VTA1: variants seen among roughly 807,000 people sequenced by gnomAD.
VTA1 encodes the protein vacuolar protein sorting-associated protein VTA1 homolog.
VTA1 carries 24 observed loss-of-function variants against 36.9 expected under a neutral mutation model. The observed-to-expected ratio is 0.65, with a 90% CI of 0.47 to 0.91. VTA1 has a LOEUF of 0.91. Ranked by LOEUF, VTA1 falls within the 40% of genes least tolerant of loss-of-function variation. The probability of loss-of-function intolerance (pLI) is 0.00; values close to 1 mark genes in which losing one functional copy is unlikely to be tolerated. For missense variants in VTA1, 393 were observed against 377.2 expected, an observed-to-expected ratio of 1.04 and a Z score of -0.35; for synonymous variants, 142 against 130.2, an observed-to-expected ratio of 1.09 and a Z score of -0.62.
intron 1 of VTA1, among the ~76,000 whole-genome samples, chr6:142,156,256 A>T (rs1778660134): frequency 1.3e-5 from 2 of 152,202 alleles, no homozygotes; most frequent in African/African-American, 4.8e-5. Flanking sequence ...AATTGTTGGT[A>T]GTAGCTAGTA....
chr6:142,167,045 A>G (rs1289396755), intron 2 of VTA1, among the ~76,000 whole-genome samples: 3 of 152,176 alleles, frequency 2.0e-5, no homozygotes, highest in African/African-American at 7.2e-5. Context: ...CAATGAAGGA[A>G]ATGATGCCAA....
intron 1 of VTA1, among the ~76,000 whole-genome samples, chr6:142,153,039 C>G (rs940664603): frequency 3.3e-5 from 5 of 151,960 alleles, no homozygotes; most frequent in African/African-American, 1.2e-4. Flanking sequence ...CTTGTGTGCC[C>G]CTCATCACAT....
At chr6:142,155,905 A>G (rs1207122572) in intron 1 of VTA1, among the ~76,000 whole-genome samples, 1 of 152,122 alleles carries the variant, frequency 6.6e-6, no homozygotes, top group Admixed American at 6.5e-5. Context: ...TCTAGACTGT[A>G]AACTGAGGAA....
chr6:142,202,330 T>C (rs190726964), intron 6 of VTA1, among the ~76,000 whole-genome samples: 15 of 152,062 alleles, frequency 9.9e-5, no homozygotes, highest in Admixed American at 8.5e-4. Context: ...GCATTTATAC[T>C]TTTATACAGT....
In VTA1 at chr6:142,174,371, C is replaced by T. The variant is rs189057477; in HGVS notation, c.411+3950C>T. Among the ~76,000 whole-genome samples the T allele has an allele frequency of 1.4e-3, 218 of 152,248 alleles. 2 individuals carry two copies. The highest frequency in any genetic ancestry group is 4.8e-3 in the African/African-American group (200 of 41,544). On this transcript the variant is annotated intron_variant, in intron 4 of 7. Coordinates refer to ENST00000367630, the MANE Select transcript of VTA1 (RefSeq NM_016485.5). ...GTTTTTGGACTTGTGTGGGGCCTATCGTGCCTTTTTTTGGGCAGTTTCTCC... is the reference window on the plus strand; with the variant it reads ...GTTTTTGGACTTGTGTGGGGCCTATTGTGCCTTTTTTTGGGCAGTTTCTCC...
At position 142,178,085 on chromosome 6, in the gene VTA1, C is replaced by T. The variant is rs913415561; in HGVS notation, c.411+7664C>T. On this transcript the variant is annotated intron_variant, in intron 4 of 7. Transcript: ENST00000367630. ...AAAGCAGCTACAGATTCAAGAAGCA[C>T]AGTGGACAATTAGGTTAATATAAAG... 2.0e-5 allele frequency among the ~76,000 whole-genome samples: 3 copies of T among 152,086 alleles called. No individual in the cohort carries two copies. In the South Asian group the frequency reaches 6.2e-4, roughly 32 times the overall value.
rs930464604 is a variant in VTA1 at position 142,223,731 on chromosome 6, T to C, written c.*5088T>C. On this transcript the variant is annotated 3_prime_UTR_variant, in exon 8 of 8. Coordinates refer to ENST00000367630, the MANE Select transcript of VTA1 (RefSeq NM_016485.5). The stretch of plus-strand genomic sequence containing the variant: ...TGAGCATCTACCATCAAATATTTAA[T>C]ATGATAATGCCATACTGGATATTAT... The C allele has an allele frequency of 2.0e-5, 3 of 152,110 alleles. No individual in the cohort carries two copies. 9.4% of individuals were successfully genotyped at this position (152,110 alleles called of 1,614,324 possible).
intron 1 of VTA1, among the ~76,000 whole-genome samples, chr6:142,149,017 A>G (rs1448368412): frequency 2.0e-5 from 3 of 152,158 alleles, no homozygotes; most frequent in South Asian, 4.1e-4. Context: ...CAAACCAGGG[A>G]CACCTTACTC....
Position 142,147,309 on chromosome 6 carries a change from C to A in VTA1, c.22C>A (p.Pro8Thr), listed in dbSNP as rs137966407. The change falls in exon 1 of 8, where the codon CCC becomes ACC. Residue 8 changes from proline to threonine, a missense_variant. Coordinates refer to ENST00000367630, the MANE Select transcript of VTA1 (RefSeq NM_016485.5). ...AGAGATGGCCGCGCTTGCACCGCTG[C>A]CCCCGCTCCCCGCACAGTTCAAGAG... The part of the protein sequence containing the change: MAALAPL[P>T]PLPAQFKSIQ... 3.2e-4 allele frequency: 512 copies of A among 1,614,124 alleles called. 2 individuals carry two copies. Among genetic ancestry groups the A allele is most frequent in the Middle Eastern group, 2.1e-3 (13 of 6,062 alleles).
chr6:142,180,988 T>A (rs1412071050), intron 4 of VTA1, among the ~76,000 whole-genome samples: 2 of 150,082 alleles, frequency 1.3e-5, no homozygotes, highest in Non-Finnish European at 3.0e-5. Flanking sequence ...ACTATTAAAT[T>A]TTCCGATTTT....
intron 1 of VTA1, among the ~76,000 whole-genome samples, chr6:142,147,690 C>T (rs1778478863): frequency 6.6e-6 from 1 of 152,204 alleles, no homozygotes; most frequent in African/African-American, 2.4e-5. Context: ...TGTGTACACA[C>T]AAGAGCTTCT....
At chr6:142,162,656 G>C (rs568916926) in intron 1 of VTA1, among the ~76,000 whole-genome samples, 1 of 152,282 alleles carries the variant, frequency 6.6e-6, no homozygotes, top group South Asian at 2.1e-4. Context: ...CTTGGATGCA[G>C]ATATAGAGAA....
At chr6:142,208,779 C>A (rs1007418229) in intron 7 of VTA1, among the ~76,000 whole-genome samples, 10 of 152,110 alleles carry the variant, frequency 6.6e-5, no homozygotes, top group Non-Finnish European at 1.0e-4. Flanking sequence ...TAAAAAAAAA[C>A]TGTCATCTAG....
chr6:142,151,031 G>A (rs1440744055), intron 1 of VTA1, among the ~76,000 whole-genome samples: 1 of 152,152 alleles, frequency 6.6e-6, no homozygotes, highest in African/African-American at 2.4e-5. Flanking sequence ...GTATATGGGG[G>A]ATGCAGGGAG....
chr6:142,165,572 A>G (rs1459300628), intron 1 of VTA1, among the ~76,000 whole-genome samples: 1 of 152,208 alleles, frequency 6.6e-6, no homozygotes, highest in Non-Finnish European at 1.5e-5. Flanking sequence ...ACAGATCTCT[A>G]GGACATATTG....
At chr6:142,154,558 G>C (rs1396337842) in intron 1 of VTA1, among the ~76,000 whole-genome samples, 1 of 152,046 alleles carries the variant, frequency 6.6e-6, no homozygotes, top group African/African-American at 2.4e-5. Flanking sequence ...GTTTTGCAGA[G>C]CATCTGTACC....
chr6:142,182,573 AAC>A (rs773095833), intron 4 of VTA1, among the ~76,000 whole-genome samples: 2 of 152,144 alleles, frequency 1.3e-5, no homozygotes, highest in Non-Finnish European at 2.9e-5. Context: ...ACAAAATTTT[AAC>A]AGTTTCATTG....
chr6:142,213,972 G>C (rs549049171), intron 7 of VTA1, among the ~76,000 whole-genome samples: 12 of 152,274 alleles, frequency 7.9e-5, no homozygotes, highest in African/African-American at 2.9e-4. Flanking sequence ...TTGGGTGATA[G>C]ACTTGAATTT....
At chr6:142,189,239 A>C (rs1391289762) in intron 4 of VTA1, among the ~76,000 whole-genome samples, 187 bp from the exon 5 acceptor site, 1 of 152,222 alleles carries the variant, frequency 6.6e-6, no homozygotes, top group Non-Finnish European at 1.5e-5. Flanking sequence ...ATAGCTTTTC[A>C]TGAATTCTGT....
Sources: gnomAD v4.1 joint callset for allele counts (sites outside exome capture counted in the v4.1 genomes callset) on GRCh38, gnomAD v4.1.1 for gene constraint, MANE v1.5 for transcripts, NCBI Gene and HGNC (gene_info 2026-07-23, HGNC 2026-07-21) for gene names.